SOX13: variants seen among roughly 807,000 people sequenced by gnomAD.
SOX13 encodes transcription factor SOX-13.
A neutral mutation model predicts 71.8 loss-of-function variants in SOX13; 28 were observed. That is an observed-to-expected ratio of 0.39 (90% CI 0.29 to 0.53). The LOEUF (loss-of-function observed/expected upper bound fraction) is 0.53. SOX13 is among the 20% of genes least tolerant of loss of function. The probability of loss-of-function intolerance (pLI) is 0.70; values close to 1 mark genes in which losing one functional copy is unlikely to be tolerated. For missense variants in SOX13, 627 were observed against 810.3 expected, an observed-to-expected ratio of 0.77 and a Z score of 2.75; for synonymous variants, 309 against 317.8, an observed-to-expected ratio of 0.97 and a Z score of 0.29.
intron 1 of SOX13, among the ~76,000 whole-genome samples, chr1:204,107,223 T>A (rs1656487668): frequency 2.0e-5 from 3 of 152,212 alleles, no homozygotes; most frequent in Non-Finnish European, 4.4e-5. Flanking sequence ...GGAGACAGGC[T>A]AAGGGAGGTT....
chr1:204,111,379 C>A (rs568335519), intron 1 of SOX13, among the ~76,000 whole-genome samples: 3 of 152,208 alleles, frequency 2.0e-5, no homozygotes, highest in Non-Finnish European at 4.4e-5. Context: ...ATAGCTGGAA[C>A]CTGCTGTGTT....
At chr1:204,116,403 A>G in intron 4 of SOX13, 104 bp from the exon 5 acceptor site, 1 of 1,603,438 alleles carries the variant, frequency 6.2e-7, no homozygotes, top group Non-Finnish European at 8.5e-7. Flanking sequence ...GTCCTGGGAC[A>G]TAGCAATTGC....
intron 1 of SOX13, among the ~76,000 whole-genome samples, chr1:204,096,318 C>A (rs1473101739): frequency 7.1e-6 from 1 of 140,702 alleles, no homozygotes; most frequent in African/African-American, 2.6e-5. Flanking sequence ...CAGCTCACTG[C>A]GGCATCAACC....
chr1:204,103,969 G>A (rs1242478447), intron 1 of SOX13, among the ~76,000 whole-genome samples: 1 of 152,220 alleles, frequency 6.6e-6, no homozygotes, highest in Non-Finnish European at 1.5e-5. Flanking sequence ...CCCACTCACT[G>A]GGTTGGGAGA....
Position 204,123,819 on chromosome 1 carries a change from C to T in SOX13, c.1375+15C>T. On this transcript the variant is annotated intron_variant, in intron 12 of 13. Transcript: ENST00000367204. The surrounding 1 kb of genome is among the most constrained non-coding windows in gnomAD (Gnocchi z 5.0). ...CAAGATCCTTGGTAAGGGCCAGTGG[C>T]TGGGGCCATGGTTCAGTGTGACCTG... is the stretch of plus-strand genomic sequence containing the variant. 1 of 1,613,858 alleles carries T rather than the reference C, an allele frequency of 6.2e-7. No homozygotes were observed. Among genetic ancestry groups the T allele is most frequent in the Non-Finnish European group, 8.5e-7 (1 of 1,179,852 alleles).
chr1:204,119,248 T>G (rs1320360213), intron 7 of SOX13: 1 of 152,218 alleles, frequency 6.6e-6, no homozygotes, highest in Non-Finnish European at 1.5e-5. Flanking sequence ...CTTCATCCAT[T>G]CAGGGGCTGT....
rs147321636 is a variant in SOX13 at position 204,123,274 on chromosome 1, C to T, written c.1231+66C>T. On this transcript the variant is annotated intron_variant, in intron 11 of 13. Coordinates refer to ENST00000367204, the MANE Select transcript of SOX13 (RefSeq NM_005686.3). The surrounding 1 kb of genome is among the most constrained non-coding windows in gnomAD (Gnocchi z 5.0). ...ACTCTGTATTCCACCAGGGCCAGGG[C>T]TGTGTCTGCCTCTGATCTCTTCCCT... 3.6e-4 allele frequency: 461 copies of T among 1,284,854 alleles called. 6 individuals are homozygous for T. The East Asian group carries it at 0.011, about 29-fold the overall frequency. 79.6% of individuals were successfully genotyped at this position (1,284,854 alleles called of 1,614,324 possible).
At chr1:204,085,289 G>A (rs1655993017) in intron 1 of SOX13, among the ~76,000 whole-genome samples, 1 of 152,170 alleles carries the variant, frequency 6.6e-6, no homozygotes, top group Non-Finnish European at 1.5e-5. Context: ...CCATAGAGAT[G>A]ATAACAATTG....
At chr1:204,114,259 C>T (rs940126482) in intron 2 of SOX13, 62 bp from the exon 3 acceptor site, 2 of 1,146,032 alleles carry the variant, frequency 1.7e-6, no homozygotes, top group Non-Finnish European at 2.5e-6. Flanking sequence ...GGGTGCCCAG[C>T]CCTCCCTGCA....
Position 204,114,349 on chromosome 1 carries a change from C to T in SOX13, c.248C>T (p.Ser83Phe), listed in dbSNP as rs1400265012. ...WDCSSPEGNG[S>F]PEPKRPGVSE... ...TGTAGCTCTCCAGAGGGTAATGGGT[C>T]CCCAGAACCCAAGAGACCAGGAGTG... The change falls in exon 3 of 14, where the codon TCC becomes TTC. Residue 83 changes from serine (S) to phenylalanine (F), a missense_variant. Ser to Phe is a radical substitution (Grantham distance 155, BLOSUM62 -2). Transcript: ENST00000367204. 1.9e-6 allele frequency: 3 copies of T among 1,609,328 alleles called. No individual in the cohort carries two copies. In the Admixed American group the frequency reaches 5.0e-5, roughly 27 times the overall value.
At chr1:204,074,031 G>A (rs534034943) in intron 1 of SOX13, 16 of 152,162 alleles carry the variant, frequency 1.1e-4, no homozygotes, top group African/African-American at 3.9e-4. Flanking sequence ...TCACCACGCG[G>A]GTCGAGCTTA....
In SOX13 at chr1:204,114,625, G is replaced by T; in HGVS notation, c.418+20G>T. 6.3e-7 allele frequency: 1 copy of T among 1,583,106 alleles called. No homozygotes were observed. Among genetic ancestry groups the T allele is most frequent in the Admixed American group, 1.7e-5 (1 of 59,980 alleles). On this transcript the variant is annotated intron_variant, in intron 4 of 13. Coordinates refer to ENST00000367204, the MANE Select transcript of SOX13 (RefSeq NM_005686.3). ...TCAAAGGTGAAGGCCTGTTGGGGGT[G>T]GGGGAGATGTTTGAACCCCATCTCT... is the stretch of plus-strand genomic sequence containing the variant.
At chr1:204,114,473 G>C (rs1189137772) in intron 3 of SOX13, 41 bp downstream of exon 3, 1 of 1,605,142 alleles carries the variant, frequency 6.2e-7, no homozygotes, top group Admixed American at 1.7e-5. Context: ...GCCTGAGGCA[G>C]GGAGGTGTTA....
At chr1:204,102,642 C>T (rs1395798109) in intron 1 of SOX13, among the ~76,000 whole-genome samples, 1 of 150,960 alleles carries the variant, frequency 6.6e-6, no homozygotes, top group African/African-American at 2.4e-5. Flanking sequence ...AAGAGGGTGG[C>T]GGGCCCTGGT....
At chr1:204,108,678 G>A (rs751847270) in intron 1 of SOX13, among the ~76,000 whole-genome samples, 2 of 152,172 alleles carry the variant, frequency 1.3e-5, no homozygotes, top group African/African-American at 4.8e-5. Context: ...GCCGGCCTGC[G>A]CCCGCAGTGG....
intron 1 of SOX13, among the ~76,000 whole-genome samples, chr1:204,092,586 GC>G (rs1656169828): frequency 6.6e-6 from 1 of 152,204 alleles, no homozygotes; most frequent in Non-Finnish European, 1.5e-5. Flanking sequence ...ATATATTATG[GC>G]CCTTAGTATA....
chr1:204,087,152 G>A (rs1459353166), intron 1 of SOX13, among the ~76,000 whole-genome samples: 1 of 152,186 alleles, frequency 6.6e-6, no homozygotes, highest in Non-Finnish European at 1.5e-5. Context: ...TCGATTTCCT[G>A]ACCTTGTGAT....
At chr1:204,082,327 G>T (rs529741690) in intron 1 of SOX13, among the ~76,000 whole-genome samples, 1 of 152,194 alleles carries the variant, frequency 6.6e-6, no homozygotes, top group African/African-American at 2.4e-5. Flanking sequence ...CAACCCATGG[G>T]AACCAGGCAG....
intron 1 of SOX13, among the ~76,000 whole-genome samples, chr1:204,101,903 C>T (rs913958695): frequency 2.0e-5 from 3 of 152,138 alleles, no homozygotes; most frequent in African/African-American, 4.8e-5. Flanking sequence ...TGTGTTATCT[C>T]GTTTACTCTT....
Sources: allele counts gnomAD v4.1 joint callset (sites outside exome capture counted in the v4.1 genomes callset), GRCh38; gene constraint gnomAD v4.1.1; non-coding constraint Gnocchi (gnomAD v3.1); transcripts MANE v1.5; gene names NCBI Gene and HGNC (gene_info 2026-07-23, HGNC 2026-07-21).